RABGAP1L: variants seen among roughly 807,000 people sequenced by gnomAD.
The protein encoded by RABGAP1L is rab GTPase-activating protein 1-like.
RABGAP1L carries 63 observed loss-of-function variants against 137.7 expected under a neutral mutation model. The observed-to-expected ratio is 0.46, with a 90% CI of 0.37 to 0.56. RABGAP1L has a LOEUF of 0.56. Ranked by LOEUF, RABGAP1L falls within the 20% of genes least tolerant of loss-of-function variation. RABGAP1L has a pLI of 0.00. For missense variants in RABGAP1L, 1,095 were observed against 1,244.0 expected (o/e 0.88, Z 1.80); for synonymous variants, 431 against 433.7 (o/e 0.99, Z 0.08).
At chr1:174,763,543 C>G (rs1323572305) in intron 18 of RABGAP1L, among the ~76,000 whole-genome samples, 2 of 148,186 alleles carry the variant, frequency 1.3e-5, no homozygotes, top group African/African-American at 4.9e-5. Context: ...CCCAGCTACT[C>G]GGGAGGCTGA....
intron 11 of RABGAP1L, among the ~76,000 whole-genome samples, chr1:174,344,942 A>G (rs1682307726): frequency 6.6e-6 from 1 of 152,114 alleles, no homozygotes; most frequent in South Asian, 2.1e-4. Context: ...TTAAATCTTT[A>G]ATCCATTTTG....
rs1160899018 is a variant in RABGAP1L, at chr1:174,278,598, A to G, written c.1157-15A>G. The G allele has an allele frequency of 5.0e-6, 8 of 1,596,300 alleles. No individual in the cohort carries two copies. In the Admixed American group the frequency reaches 1.1e-4, roughly 22 times the overall value. On this transcript the variant is annotated splice_polypyrimidine_tract_variant and intron_variant, in intron 9 of 25. Transcript: ENST00000681986. ...TAATAAAGCTCGCATAAAACCCAGA[A>G]AATTTCTACTACAGATAAGCAAGTA... is the stretch of plus-strand genomic sequence containing the variant.
chr1:174,965,447 A>G (rs1195106962), intron 20 of RABGAP1L, among the ~76,000 whole-genome samples: 3 of 152,212 alleles, frequency 2.0e-5, no homozygotes, highest in Non-Finnish European at 4.4e-5. Flanking sequence ...TTCCAAGACC[A>G]TCAAAACCAA....
intron 19 of RABGAP1L, among the ~76,000 whole-genome samples, chr1:174,855,213 G>C (rs1649096959): frequency 6.6e-6 from 1 of 152,118 alleles, no homozygotes; most frequent in Admixed American, 6.6e-5. Flanking sequence ...TCTAGTAGTA[G>C]AGACCAATCT....
intron 13 of RABGAP1L, among the ~76,000 whole-genome samples, chr1:174,398,108 T>C (rs1050529956): frequency 1.3e-5 from 2 of 152,182 alleles, no homozygotes; most frequent in African/African-American, 4.8e-5. Context: ...GGTATTATCC[T>C]CAAGGGCTCA....
chr1:174,362,571 A>G (rs1684240920), intron 11 of RABGAP1L, among the ~76,000 whole-genome samples: 1 of 152,088 alleles, frequency 6.6e-6, no homozygotes, highest in African/African-American at 2.4e-5. Flanking sequence ...GGCCCCATGT[A>G]TGTCTTTTTT....
chr1:174,264,814 C>T (rs766491708), intron 7 of RABGAP1L, among the ~76,000 whole-genome samples: 1 of 150,798 alleles, frequency 6.6e-6, no homozygotes, highest in Non-Finnish European at 1.5e-5. Flanking sequence ...AAAATATAGA[C>T]TGTAGATAAA....
intron 13 of RABGAP1L, among the ~76,000 whole-genome samples, chr1:174,462,823 G>A (rs1212323783): frequency 6.6e-6 from 1 of 152,002 alleles, no homozygotes; most frequent in Non-Finnish European, 1.5e-5. Context: ...TAGGATAATG[G>A]CCTCTACCTA....
intron 13 of RABGAP1L, among the ~76,000 whole-genome samples, chr1:174,440,182 T>C (rs1220352942): frequency 1.3e-5 from 2 of 152,156 alleles, no homozygotes; most frequent in African/African-American, 2.4e-5. Context: ...CTAAACAACA[T>C]AGAAGAGAAG....
intron 13 of RABGAP1L, chr1:174,545,659 C>T (rs570812453): frequency 1.1e-3 from 169 of 154,356 alleles, no homozygotes; most frequent in Middle Eastern, 6.3e-3. Flanking sequence ...CACCTGTCTT[C>T]TGCGTCGCTC....
chr1:174,373,539 C>T (rs899834972), intron 12 of RABGAP1L, among the ~76,000 whole-genome samples: 2 of 152,132 alleles, frequency 1.3e-5, no homozygotes, highest in African/African-American at 4.8e-5. Context: ...TATGAGGATC[C>T]TCATAGCAGC....
chr1:174,278,337 C>T (rs1366658500), intron 9 of RABGAP1L, among the ~76,000 whole-genome samples: 1 of 152,164 alleles, frequency 6.6e-6, no homozygotes, highest in Admixed American at 6.5e-5. Flanking sequence ...GCCCTGGAGG[C>T]GGAGGTTGCA....
intron 10 of RABGAP1L, among the ~76,000 whole-genome samples, chr1:174,302,958 A>G (rs1049288282): frequency 2.0e-5 from 3 of 152,212 alleles, no homozygotes; most frequent in African/African-American, 7.2e-5. Context: ...AAGAATAACT[A>G]TTCTAACTGC....
chr1:174,546,910 A>G (rs1437810036), intron 13 of RABGAP1L, among the ~76,000 whole-genome samples: 3 of 150,808 alleles, frequency 2.0e-5, no homozygotes, highest in African/African-American at 4.9e-5. Context: ...GGCACCTGTA[A>G]TCCCAGCTAC....
chr1:174,169,870 A>G (rs567421398), intron 1 of RABGAP1L, among the ~76,000 whole-genome samples: 2 of 151,846 alleles, frequency 1.3e-5, no homozygotes, highest in African/African-American at 2.4e-5. Context: ...AATTTTTTAA[A>G]TGGGAGTCTC....
intron 10 of RABGAP1L, among the ~76,000 whole-genome samples, chr1:174,286,523 A>G (rs1025601219): frequency 3.3e-5 from 5 of 151,142 alleles, no homozygotes; most frequent in African/African-American, 9.7e-5. Context: ...AGTTTTGTCC[A>G]TCTTTTCTGT....
At chr1:174,899,903 G>A (rs529217964) in intron 19 of RABGAP1L, among the ~76,000 whole-genome samples, 3 of 152,158 alleles carry the variant, frequency 2.0e-5, no homozygotes, top group African/African-American at 7.2e-5. Context: ...TCCCATGAGA[G>A]GAGAGAGTGA....
rs541847451 is a variant in RABGAP1L at position 174,530,192 on chromosome 1, G to C, written c.1711-107183G>C. Among the ~76,000 whole-genome samples the C allele has an allele frequency of 3.3e-5, 5 of 151,990 alleles. No individual in the cohort carries two copies. The South Asian group carries it at 1.0e-3, about 32-fold the overall frequency. ...AGCAGCACAACTGCCTTGTCACTGG[G>C]TGTACTACTTGCACCTCAGTCCCAG... On this transcript the variant is annotated intron_variant, in intron 13 of 25. Coordinates refer to ENST00000681986, the MANE Select transcript of RABGAP1L (RefSeq NM_001366446.1).
intron 11 of RABGAP1L, among the ~76,000 whole-genome samples, chr1:174,365,600 T>C (rs1419678024): frequency 3.9e-5 from 6 of 152,176 alleles, no homozygotes; most frequent in African/African-American, 1.4e-4. Flanking sequence ...GGCTCTATCC[T>C]CCGCTGTGAC....
Sources: allele counts gnomAD v4.1 joint callset (sites outside exome capture counted in the v4.1 genomes callset), GRCh38; gene constraint gnomAD v4.1.1; transcripts MANE v1.5; gene names NCBI Gene and HGNC (gene_info 2026-07-23, HGNC 2026-07-21).